The following RPL9 variants were observed in gnomAD, a reference collection of about 807,000 sequenced individuals.
The protein encoded by RPL9 is large ribosomal subunit protein uL6.
For synonymous variants in RPL9, 82 were observed against 77.1 expected (o/e 1.06, Z -0.33); for missense variants, 149 against 236.7 (o/e 0.63, Z 2.43).
chr4:39,456,607 A>C lies in RPL9; in HGVS notation c.259-69T>G, dbSNP rs1578224079. On this transcript the variant is annotated intron_variant, in intron 4 of 7. Coordinates refer to ENST00000295955, the MANE Select transcript of RPL9 (RefSeq NM_000661.5). ...ATTTTTAATAGTTTTAAAATTTTCT[A>C]AGATGCTTATACTTATTTTAAAACG... is the stretch of plus-strand genomic sequence containing the variant. 33 of 1,531,714 alleles carry C rather than the reference A, an allele frequency of 2.2e-5. No homozygotes were observed. The East Asian group carries it at 7.7e-4, about 36-fold the overall frequency. 94.9% of individuals were successfully genotyped at this position (1,531,714 alleles called of 1,614,324 possible).
At chr4:39,454,838 T>G (rs771897329) in intron 6 of RPL9, 26 bp downstream of exon 6, 1 of 1,604,226 alleles carries the variant, frequency 6.2e-7, no homozygotes, top group South Asian at 1.1e-5. Context: ...CTTGTAGGCA[T>G]AGTTAGACAT....
At position 39,456,491 on chromosome 4, in the gene RPL9, G is replaced by A. The variant is rs779595967; in HGVS notation, c.306C>T (p.Asn102=). The A allele has an allele frequency of 1.4e-5, 23 of 1,613,960 alleles. No individual in the cohort carries two copies. Among genetic ancestry groups the A allele is most frequent in the South Asian group, 3.3e-5 (3 of 91,088 alleles). Residue 102 remains asparagine, a synonymous_variant, in exon 5 of 8, where the codon AAC becomes AAT. Coordinates refer to ENST00000295955, the MANE Select transcript of RPL9 (RefSeq NM_000661.5). ...MRSVYAHFPI[N]VVIQENGSLV... The stretch of plus-strand genomic sequence containing the variant: ...GAGACCCATTCTCCTGGATAACAAC[G>A]TTGATGGGGAAGTGAGCATACACAG...
chr4:39,458,314 AAG>A lies in RPL9; in HGVS notation c.47-7_47-6del. The A allele has an allele frequency of 2.5e-6, 4 of 1,614,074 alleles. No individual in the cohort carries two copies. The highest frequency in any genetic ancestry group is 3.4e-6 in the Non-Finnish European group (4 of 1,179,962). On this transcript the variant is annotated splice_polypyrimidine_tract_variant and splice_region_variant and intron_variant, in intron 2 of 7. Coordinates refer to ENST00000295955, the MANE Select transcript of RPL9 (RefSeq NM_000661.5). ...GTCCCTTCAGAGTAATGTCGACTAGAAGAGAGAACACACTCGTCAGGCCACAC... is the reference window on the plus strand; with the variant it reads ...GTCCCTTCAGAGTAATGTCGACTAGAAGAGAACACACTCGTCAGGCCACAC...
chr4:39,458,632 G>GGCCCAGCAGTCGAACTCCCACTCA, intron 1 of RPL9, 192 bp from the exon 2 acceptor site: 2 of 636,252 alleles, frequency 3.1e-6, no homozygotes, highest in Non-Finnish European at 5.5e-6. Context: ...AGAATTACGA[G>GGCCCAGCAGTCGAACTCCCACTCA]GCCCAGCAGT....
chr4:39,454,848 T>C lies in RPL9; in HGVS notation c.472+16A>G, dbSNP rs1469388210. The C allele has an allele frequency of 1.6e-5, 25 of 1,610,610 alleles. No homozygotes were observed. Among genetic ancestry groups the C allele is most frequent in the Middle Eastern group, 1.8e-4 (1 of 5,664 alleles). ...AAAATCTTGTAGGCATAGTTAGACA[T>C]AGTAAACATACAAACCTGAATTTGA... On this transcript the variant is annotated intron_variant, in intron 6 of 7. Transcript: ENST00000295955.
intron 5 of RPL9, among the ~76,000 whole-genome samples, chr4:39,455,500 G>A (rs1275470943): frequency 6.6e-6 from 1 of 152,102 alleles, no homozygotes. Flanking sequence ...GACCAGCCTG[G>A]ACAACATAGC....
chr4:39,458,564 C>A, intron 1 of RPL9, 124 bp from the exon 2 acceptor site: 1 of 1,026,002 alleles, frequency 9.7e-7, no homozygotes, highest in Non-Finnish European at 1.5e-6. Context: ...TGTCGGAGGA[C>A]GGGAGACCGA....
chr4:39,457,912 G>A (rs1414260098), intron 3 of RPL9: 13 of 622,822 alleles, frequency 2.1e-5, no homozygotes, highest in Non-Finnish European at 2.8e-5. Context: ...ACCTACTGCC[G>A]GTTCCTGTGA....
rs1490490174 is a variant in RPL9 at position 39,458,194 on chromosome 4, C to T, written c.162G>A (p.Arg54=). 3 of 1,613,936 alleles carry T rather than the reference C, an allele frequency of 1.9e-6. No individual in the cohort carries two copies. The highest frequency in any genetic ancestry group is 2.2e-5 in the East Asian group (1 of 44,876). Residue 54 remains arginine (R), a splice_region_variant and synonymous_variant, in exon 3 of 8, where the codon AGG becomes AGA. Transcript: ENST00000295955. ...GAATTATCAGAAGAAAAACCCTCAC[C>T]CTCTTTTTTTTCTTTCCAAGAAGGC... is the stretch of plus-strand genomic sequence containing the variant. ...ELSLLGKKKK[R]LRVDKWWGNR...
rs1744027633 is a variant in RPL9 at position 39,454,947 on chromosome 4, A to G, written c.392-3T>C. On this transcript the variant is annotated splice_region_variant and splice_polypyrimidine_tract_variant and intron_variant, in intron 5 of 7. Transcript: ENST00000295955. ...TTGAGATACTGAACAAGCAACACCTAAAAGGGGAGAGGGCATTTGCACAGC... is the reference window on the plus strand; with the variant it reads ...TTGAGATACTGAACAAGCAACACCTGAAAGGGGAGAGGGCATTTGCACAGC... 6 of 1,612,162 alleles carry G rather than the reference A, an allele frequency of 3.7e-6. No homozygotes were observed. Among genetic ancestry groups the G allele is most frequent in the Non-Finnish European group, 5.1e-6 (6 of 1,178,958 alleles).
In RPL9 at chr4:39,454,848, TAGTA is replaced by T; in HGVS notation, c.472+12_472+15del. 3 of 1,610,728 alleles carry T rather than the reference TAGTA, an allele frequency of 1.9e-6. No homozygotes were observed. In the South Asian group the frequency reaches 3.3e-5, roughly 18 times the overall value. On this transcript the variant is annotated intron_variant, in intron 6 of 7. Transcript: ENST00000295955. Reference sequence around the variant, plus strand: ...AAAATCTTGTAGGCATAGTTAGACATAGTAAACATACAAACCTGAATTTGAAACA... The same window carrying T: ...AAAATCTTGTAGGCATAGTTAGACATAACATACAAACCTGAATTTGAAACA...
In RPL9 at chr4:39,454,510, C is replaced by G. The variant is rs144617064; in HGVS notation, c.*10+23G>C. On this transcript the variant is annotated intron_variant, in intron 7 of 7. Transcript: ENST00000295955. ...TCATTCAACTAGAGCAGTAATAAAACTTAAGACACTGTAAGAACTTACCTC... is the reference window on the plus strand; with the variant it reads ...TCATTCAACTAGAGCAGTAATAAAAGTTAAGACACTGTAAGAACTTACCTC... 699 of 1,547,988 alleles carry G rather than the reference C, an allele frequency of 4.5e-4. 10 individuals are homozygous for G. In the East Asian group the frequency reaches 0.015, roughly 34 times the overall value.
At chr4:39,454,417 C>T in intron 7 of RPL9, 116 bp downstream of exon 7, 1 of 761,514 alleles carries the variant, frequency 1.3e-6, no homozygotes, top group Non-Finnish European at 2.1e-6. Context: ...TACTGTGTTC[C>T]AGAATGCTTA....
intron 2 of RPL9, 30 bp from the exon 3 acceptor site, chr4:39,458,339 C>G: frequency 6.2e-7 from 1 of 1,613,996 alleles, no homozygotes; most frequent in Admixed American, 1.7e-5. Context: ...CGTCAGGCCA[C>G]ACAACGCTTG....
intron 2 of RPL9, 35 bp from the exon 3 acceptor site, chr4:39,458,344 C>T: frequency 6.2e-7 from 1 of 1,613,784 alleles, no homozygotes; most frequent in Non-Finnish European, 8.5e-7. Context: ...GGCCACACAA[C>T]GCTTGGAACG....
At chr4:39,455,829 G>A (rs962579629) in intron 5 of RPL9, 5 of 175,082 alleles carry the variant, frequency 2.9e-5, no homozygotes, top group South Asian at 1.2e-4. Context: ...TATGTATTAC[G>A]CATGCATTGT....
intron 2 of RPL9, 36 bp downstream of exon 2, chr4:39,458,358 A>G (rs928165588): frequency 6.2e-7 from 1 of 1,613,908 alleles, no homozygotes; most frequent in Non-Finnish European, 8.5e-7. Context: ...TGGAACGTGC[A>G]GTAAAGATGT....
At chr4:39,457,504 G>A (rs1560660692) in intron 4 of RPL9, 82 bp downstream of exon 4, 1 of 1,189,840 alleles carries the variant, frequency 8.4e-7, no homozygotes, top group South Asian at 1.2e-5. Flanking sequence ...CCCATTCTCT[G>A]AAAGAGACAC....
intron 1 of RPL9, 104 bp downstream of exon 1, chr4:39,458,787 G>C: frequency 2.9e-6 from 2 of 683,348 alleles, no homozygotes; most frequent in South Asian, 1.5e-5. Flanking sequence ...CGAGCTGGGG[G>C]ACAAACAGGA....
Sources: allele counts gnomAD v4.1 joint callset (sites outside exome capture counted in the v4.1 genomes callset), GRCh38; gene constraint gnomAD v4.1.1; transcripts MANE v1.5; gene names NCBI Gene and HGNC (gene_info 2026-07-23, HGNC 2026-07-21).